Variants in ANKFN1 observed in about 807,000 individuals in gnomAD.
ANKFN1 encodes ankyrin repeat and fibronectin type-III domain-containing protein 1.
ANKFN1 carries 74 observed loss-of-function variants against 108.7 expected under a neutral mutation model. That is an observed-to-expected ratio of 0.68 (90% CI 0.56 to 0.83). The LOEUF is 0.83. ANKFN1 is among the 40% of genes least tolerant of loss of function. The probability of loss-of-function intolerance (pLI) is 0.00; values close to 1 mark genes in which losing one functional copy is unlikely to be tolerated. For missense variants in ANKFN1, 1,505 were observed against 1,382.3 expected, an observed-to-expected ratio of 1.09 and a Z score of -1.41; for synonymous variants, 547 against 516.2, an observed-to-expected ratio of 1.06 and a Z score of -0.81.
At chr17:56,171,362 A>T (rs890825276) in intron 1 of ANKFN1, among the ~76,000 whole-genome samples, 2 of 152,108 alleles carry the variant, frequency 1.3e-5, no homozygotes, top group Non-Finnish European at 2.9e-5. Flanking sequence ...AGCCTGGTGG[A>T]TGGGCCAGGA....
At chr17:56,369,107 C>G (rs1286935859) in intron 6 of ANKFN1, among the ~76,000 whole-genome samples, 1 of 152,180 alleles carries the variant, frequency 6.6e-6, no homozygotes, top group South Asian at 2.1e-4. Flanking sequence ...TTACGCACAC[C>G]TTTCTTTAGC....
rs768200244 is a variant in ANKFN1, at chr17:56,466,397, G to T, written c.1599G>T (p.Glu533Asp). 1 of 1,614,096 alleles carries T rather than the reference G, an allele frequency of 6.2e-7. No individual in the cohort carries two copies. Among genetic ancestry groups the T allele is most frequent in the East Asian group, 2.2e-5 (1 of 44,864 alleles). ...ACAACTTGGGAAGAGTTTACTATGAGCCCATTAAAGATCGACATGGAAACA... is the reference window on the plus strand; with the variant it reads ...ACAACTTGGGAAGAGTTTACTATGATCCCATTAAAGATCGACATGGAAACA... ...GTHNLGRVYY[E>D]PIKDRHGNIL... The change falls in exon 15 of 21, where the codon GAG (glutamate) becomes GAT (aspartate). Residue 533 changes from glutamate (E) to aspartate (D), a missense_variant. Transcript: ENST00000682825.
intron 4 of ANKFN1, among the ~76,000 whole-genome samples, chr17:56,332,630 A>G (rs1327310702): frequency 6.6e-6 from 1 of 152,026 alleles, no homozygotes; most frequent in Non-Finnish European, 1.5e-5. Context: ...CTGGCTCTCT[A>G]TGCTGTGTCA....
At chr17:56,142,485 A>G (rs1907986694) in intron 4 of ANKFN1, among the ~76,000 whole-genome samples, 3 of 152,196 alleles carry the variant, frequency 2.0e-5, no homozygotes, top group Admixed American at 6.5e-5. Flanking sequence ...CTCAATGGAC[A>G]CTGGCCAAGA....
intron 4 of ANKFN1, among the ~76,000 whole-genome samples, chr17:56,076,667 A>G (rs1159546316): frequency 1.3e-5 from 2 of 152,198 alleles, no homozygotes; most frequent in African/African-American, 4.8e-5. Context: ...TGGGATTGAT[A>G]ACAATAGCCT....
At chr17:56,406,800 G>A (rs1476510605) in intron 8 of ANKFN1, among the ~76,000 whole-genome samples, 2 of 152,120 alleles carry the variant, frequency 1.3e-5, no homozygotes, top group Non-Finnish European at 2.9e-5. Flanking sequence ...AAAATGCATA[G>A]CATTTCAGAG....
intron 2 of ANKFN1, among the ~76,000 whole-genome samples, chr17:56,225,690 G>A (rs1916216568): frequency 1.3e-5 from 2 of 152,290 alleles, no homozygotes; most frequent in South Asian, 4.1e-4. Flanking sequence ...GTGGAAATAA[G>A]CTTTAAAAAA....
At chr17:56,349,648 T>C (rs560048796) in intron 4 of ANKFN1, among the ~76,000 whole-genome samples, 12 of 152,288 alleles carry the variant, frequency 7.9e-5, no homozygotes, top group Admixed American at 3.3e-4. Flanking sequence ...TCTTCCTAGA[T>C]ACTAGGCTCC....
Position 56,477,505 on chromosome 17 carries a change from C to T in ANKFN1, c.1791C>T (p.His597=). The change falls in exon 16 of 21, where the codon CAC becomes CAT. Residue 597 remains histidine, a synonymous_variant. Transcript: ENST00000682825. ...CCCTACAGGATATTCTATCCTATCACAAAAGGAGTCATCAGCGTCTCTTTC... is the reference window on the plus strand; with the variant it reads ...CCCTACAGGATATTCTATCCTATCATAAAAGGAGTCATCAGCGTCTCTTTC... ...LITIQDILSY[H]KRSHQRLFPG... is the part of the protein sequence containing the mutation. 3.2e-6 allele frequency: 5 copies of T among 1,545,860 alleles called. No homozygotes were observed. Among genetic ancestry groups the T allele is most frequent in the Non-Finnish European group, 4.4e-6 (5 of 1,132,226 alleles).
intron 4 of ANKFN1, among the ~76,000 whole-genome samples, chr17:56,137,193 A>C (rs944142994): frequency 1.3e-5 from 2 of 152,208 alleles, no homozygotes; most frequent in African/African-American, 2.4e-5. Context: ...AGTGAAAATC[A>C]TAGGGGATTG....
intron 1 of ANKFN1, among the ~76,000 whole-genome samples, chr17:56,185,906 C>A (rs1245136768): frequency 6.7e-6 from 1 of 149,100 alleles, no homozygotes; most frequent in Non-Finnish European, 1.5e-5. Context: ...GGTTAGGAAA[C>A]CGCATTAAAA....
At chr17:56,405,047 TG>T (rs2047877851) in intron 8 of ANKFN1, among the ~76,000 whole-genome samples, 1 of 152,178 alleles carries the variant, frequency 6.6e-6, no homozygotes, top group Admixed American at 6.5e-5. Flanking sequence ...TACCAGCACC[TG>T]TTCCAGTGGA....
chr17:56,476,125 C>T (rs774026503), intron 15 of ANKFN1, among the ~76,000 whole-genome samples: 3 of 152,188 alleles, frequency 2.0e-5, no homozygotes, highest in South Asian at 2.1e-4. Flanking sequence ...AGGAAATCCA[C>T]ACCCATGACC....
At chr17:56,170,833 CAT>C (rs1379878944) in intron 1 of ANKFN1, among the ~76,000 whole-genome samples, 7 of 137,750 alleles carry the variant, frequency 5.1e-5, no homozygotes, top group Admixed American at 2.2e-4. Flanking sequence ...CACACACACA[CAT>C]ATACACACAT....
chr17:56,118,069 C>T (rs1358543209), intron 4 of ANKFN1, among the ~76,000 whole-genome samples: 1 of 151,956 alleles, frequency 6.6e-6, no homozygotes, highest in Non-Finnish European at 1.5e-5. Context: ...TATTTCCTTC[C>T]TTTTTATTGT....
chr17:56,401,594 T>G (rs2144935572), intron 8 of ANKFN1, among the ~76,000 whole-genome samples: 1 of 152,158 alleles, frequency 6.6e-6, no homozygotes, highest in Non-Finnish European at 1.5e-5. Context: ...GAGGAGTCTT[T>G]AGGGTTTTCA....
intron 1 of ANKFN1, among the ~76,000 whole-genome samples, chr17:56,160,579 G>A (rs1033645574): frequency 6.6e-6 from 1 of 152,158 alleles, no homozygotes; most frequent in African/African-American, 2.4e-5. Context: ...GATTACTGAT[G>A]CTCATAAGAG....
intron 4 of ANKFN1, among the ~76,000 whole-genome samples, chr17:56,338,051 C>T (rs2045863468): frequency 6.6e-6 from 1 of 152,180 alleles, no homozygotes. Flanking sequence ...TTGGAACCAA[C>T]CCAAATGTCC....
chr17:56,122,190 A>G (rs577157280), intron 4 of ANKFN1, among the ~76,000 whole-genome samples: 2 of 152,344 alleles, frequency 1.3e-5, no homozygotes, highest in African/African-American at 4.8e-5. Flanking sequence ...ATAGGGAGAT[A>G]TATTCTCAGT....
Sources: allele counts gnomAD v4.1 joint callset (sites outside exome capture counted in the v4.1 genomes callset), GRCh38; gene constraint gnomAD v4.1.1; transcripts MANE v1.5; gene names NCBI Gene and HGNC (gene_info 2026-07-23, HGNC 2026-07-21).